Variants in ATF1 observed in about 807,000 individuals in gnomAD.
ATF1 encodes cyclic AMP-dependent transcription factor ATF-1.
In ATF1, 16 loss-of-function variants were observed where a neutral mutation model predicts 34.7. The observed-to-expected ratio is 0.46, with a 90% CI of 0.31 to 0.70. The LOEUF is 0.70. ATF1 is among the 30% of genes least tolerant of loss of function. The probability of loss-of-function intolerance (pLI) is 0.05; values close to 1 mark genes in which losing one functional copy is unlikely to be tolerated. For missense variants in ATF1, 255 were observed against 321.6 expected (o/e 0.79, Z 1.58); for synonymous variants, 105 against 113.1 (o/e 0.93, Z 0.46).
intron 3 of ATF1, among the ~76,000 whole-genome samples, chr12:50,796,334 C>G (rs1255916473): frequency 6.6e-6 from 1 of 152,178 alleles, no homozygotes; most frequent in Non-Finnish European, 1.5e-5. Flanking sequence ...TTTGAAGTTA[C>G]AATGATCTGT....
In ATF1 at chr12:50,795,967, C is replaced by T; in HGVS notation, c.152C>T (p.Ser51Leu). 2 of 1,612,900 alleles carry T rather than the reference C, an allele frequency of 1.2e-6. No homozygotes were observed. Among genetic ancestry groups the T allele is most frequent in the Non-Finnish European group, 1.7e-6 (2 of 1,179,732 alleles). The change falls in exon 3 of 7, where the codon TCA (serine) becomes TTA (leucine). Residue 51 changes from serine (S) to leucine (L), a missense_variant. Coordinates refer to ENST00000262053, the MANE Select transcript of ATF1 (RefSeq NM_005171.5). ...GACTCATCCGACAGCATAGGCTCCT[C>T]ACAGAAAGCCCACGGGATCCTAGCA... ...SQDSSDSIGS[S>L]QKAHGILARR...
At chr12:50,785,326 C>T (rs1270674188) in intron 2 of ATF1, among the ~76,000 whole-genome samples, 3 of 132,052 alleles carry the variant, frequency 2.3e-5, no homozygotes. Context: ...CACACACACA[C>T]ACACACACAC....
intron 6 of ATF1, 146 bp from the exon 7 acceptor site, chr12:50,819,489 T>A (rs118054793): frequency 1.1e-6 from 1 of 936,284 alleles, no homozygotes; most frequent in East Asian, 2.7e-5. Flanking sequence ...CTGACTGAAT[T>A]CTACACTTAA....
chr12:50,783,508 T>C (rs950918967), intron 2 of ATF1, among the ~76,000 whole-genome samples: 1 of 152,226 alleles, frequency 6.6e-6, no homozygotes, highest in African/African-American at 2.4e-5. Flanking sequence ...CTCAGAAGCA[T>C]ATTTACGGTG....
In ATF1 at chr12:50,779,695, A is replaced by G. The variant is rs185498974; in HGVS notation, c.-6-445A>G. Among the ~76,000 whole-genome samples the G allele has an allele frequency of 3.8e-3, 585 of 152,202 alleles. 5 individuals carry two copies. The highest frequency in any genetic ancestry group is 0.014 in the African/African-American group (563 of 41,524). On this transcript the variant is annotated intron_variant, in intron 1 of 6. Coordinates refer to ENST00000262053, the MANE Select transcript of ATF1 (RefSeq NM_005171.5). ...TTATTCTCATTCTTACCTAGCCTAC[A>G]TATCCTGAAGTTGATTATCTAAGTT...
At chr12:50,802,514 A>G (rs935953048) in intron 3 of ATF1, among the ~76,000 whole-genome samples, 1 of 151,834 alleles carries the variant, frequency 6.6e-6, no homozygotes, top group African/African-American at 2.4e-5. Context: ...GACAAGAGCA[A>G]AACTCCATCT....
At chr12:50,773,131 G>GATAT (rs1352640373) in intron 1 of ATF1, among the ~76,000 whole-genome samples, 1 of 152,144 alleles carries the variant, frequency 6.6e-6, no homozygotes, top group East Asian at 1.9e-4. Flanking sequence ...AGTATTCCAT[G>GATAT]ATATATATGT....
chr12:50,790,681 G>T (rs958211467), intron 2 of ATF1, among the ~76,000 whole-genome samples: 2 of 151,990 alleles, frequency 1.3e-5, no homozygotes. Flanking sequence ...AAATATTGGG[G>T]TGTTCTAAAG....
At position 50,819,533 on chromosome 12, in the gene ATF1, T is replaced by G. The variant is rs1008511406; in HGVS notation, c.672-102T>G. ...TATTCTCTGTGTGTAGATGATACTT[T>G]AAAGAGAAAAAAAGGTGACCACGGA... is the stretch of plus-strand genomic sequence containing the variant. On this transcript the variant is annotated intron_variant, in intron 6 of 6. Transcript: ENST00000262053. 2.2e-6 allele frequency: 3 copies of G among 1,344,692 alleles called. No homozygotes were observed. The East Asian group carries it at 7.1e-5, about 32-fold the overall frequency. The allele number at this position is 1,344,692 out of a possible 1,614,324, so 83.3% of individuals were successfully genotyped here. A position where few individuals can be genotyped will look rare whatever the true frequency, so the allele number is the denominator to read the frequency against.
chr12:50,763,871 GTCCC>G (rs1490291432), upstream of ATF1: 1 of 152,142 alleles, frequency 6.6e-6, no homozygotes, highest in Non-Finnish European at 1.5e-5. Flanking sequence ...CGCAGGCACC[GTCCC>G]TCTCCCGCTG....
In ATF1 at chr12:50,805,753, C is replaced by G. The variant is rs1941604047; in HGVS notation, c.195-3703C>G. Among the ~76,000 whole-genome samples the G allele has an allele frequency of 2.0e-5, 3 of 152,050 alleles. No homozygotes were observed. The South Asian group carries it at 6.2e-4, about 32-fold the overall frequency. On this transcript the variant is annotated intron_variant, in intron 3 of 6. Transcript: ENST00000262053. ...TTTCCTTCCTTATGAACACTCCCAT[C>G]TTTACACTGAATTTGGAGTTTTCAG...
chr12:50,794,090 A>G (rs1292198708), intron 2 of ATF1, among the ~76,000 whole-genome samples: 5 of 151,772 alleles, frequency 3.3e-5, no homozygotes, highest in South Asian at 2.1e-4. Context: ...AGCTGGGACT[A>G]CAGGCGCCTA....
intron 2 of ATF1, 73 bp from the exon 3 acceptor site, chr12:50,795,836 T>C (rs3742065): frequency 0.063 from 75,487 of 1,188,960 alleles, 3,419 homozygotes; most frequent in African/African-American, 0.18. Context: ...ATCATTTTTT[T>C]CTAAAAGTAA....
At chr12:50,788,194 T>G (rs1941225706) in intron 2 of ATF1, 1 of 451,734 alleles carries the variant, frequency 2.2e-6, no homozygotes. Context: ...AATCTTTTTT[T>G]TTTTTTGACA....
At chr12:50,811,598 A>G (rs1196700639) in intron 4 of ATF1, among the ~76,000 whole-genome samples, 1 of 149,476 alleles carries the variant, frequency 6.7e-6, no homozygotes, top group African/African-American at 2.5e-5. Flanking sequence ...CCTTGGCAAC[A>G]TAGCAAGACT....
intron 1 of ATF1, chr12:50,764,526 C>G (rs1366682293): frequency 6.6e-6 from 1 of 152,256 alleles, no homozygotes; most frequent in Non-Finnish European, 1.5e-5. Context: ...AGTCGTGCGT[C>G]TCCTCCTTTC....
rs375743636 is a variant in ATF1 at position 50,780,815 on chromosome 12, C to T, written c.93+577C>T. On this transcript the variant is annotated intron_variant, in intron 2 of 6. Transcript: ENST00000262053. ...GTCTCTAATAAAAATCAAAAATTAG[C>T]CAGGTGCAGTGGCGGTTGCCTGTAA... is the stretch of plus-strand genomic sequence containing the variant. Among the ~76,000 whole-genome samples the T allele has an allele frequency of 1.5e-4, 23 of 152,136 alleles. No individual in the cohort carries two copies. The East Asian group carries it at 3.1e-3, about 20-fold the overall frequency.
intron 1 of ATF1, among the ~76,000 whole-genome samples, chr12:50,769,363 G>A (rs148457811): frequency 2.5e-4 from 38 of 152,122 alleles, no homozygotes; most frequent in African/African-American, 8.4e-4. Context: ...AAAGTTAGCC[G>A]GGCATGGTGG....
chr12:50,792,827 G>GAGTT (rs1300569211), intron 2 of ATF1, among the ~76,000 whole-genome samples: 2 of 151,702 alleles, frequency 1.3e-5, no homozygotes, highest in African/African-American at 2.4e-5. Flanking sequence ...ATGCTTTATG[G>GAGTT]AGTTAGTACC....
Sources: allele counts gnomAD v4.1 joint callset (sites outside exome capture counted in the v4.1 genomes callset), GRCh38; gene constraint gnomAD v4.1.1; transcripts MANE v1.5; gene names NCBI Gene and HGNC (gene_info 2026-07-23, HGNC 2026-07-21).